COL4A4: variants seen among roughly 807,000 people sequenced by gnomAD.
COL4A4 encodes the protein collagen alpha-4(IV) chain.
In COL4A4, 105 loss-of-function variants were observed where a neutral mutation model predicts 192.9. That is an observed-to-expected ratio of 0.54 (90% CI 0.46 to 0.64). COL4A4 has a LOEUF of 0.64. Ranked by LOEUF, COL4A4 falls within the 30% of genes least tolerant of loss-of-function variation. The pLI, the probability that COL4A4 is intolerant of heterozygous loss-of-function variation, is 0.00. For missense variants in COL4A4, 1,967 were observed against 2,169.3 expected, an observed-to-expected ratio of 0.91 and a Z score of 1.85; for synonymous variants, 762 against 769.9, an observed-to-expected ratio of 0.99 and a Z score of 0.17.
At chr2:227,157,503 A>G (rs1431812895) in intron 1 of COL4A4, among the ~76,000 whole-genome samples, 1 of 152,038 alleles carries the variant, frequency 6.6e-6, no homozygotes, top group African/African-American at 2.4e-5. Context: ...GAAACCCAAC[A>G]TTAGTAGTTG....
intron 38 of COL4A4, 30 bp downstream of exon 38, chr2:227,033,380 C>A: frequency 6.4e-7 from 1 of 1,564,268 alleles, no homozygotes; most frequent in Non-Finnish European, 8.8e-7. Context: ...GACTGAAGCT[C>A]AGTCTGTTAC....
chr2:227,153,640 G>T (rs1206136248), intron 1 of COL4A4, among the ~76,000 whole-genome samples: 1 of 152,088 alleles, frequency 6.6e-6, no homozygotes, highest in Admixed American at 6.6e-5. Context: ...TTGAAATTAG[G>T]AAACCGAGAC....
intron 22 of COL4A4, among the ~76,000 whole-genome samples, chr2:227,088,043 C>A (rs1459148586): frequency 6.6e-6 from 1 of 152,186 alleles, no homozygotes; most frequent in Non-Finnish European, 1.5e-5. Flanking sequence ...CCTGCTGTAT[C>A]CCCAGCACCT....
At chr2:227,002,168 CAAAAAAAAA>C (rs55908824), downstream of COL4A4, among the ~76,000 whole-genome samples, 2 of 76,180 alleles carry the variant, frequency 2.6e-5, no homozygotes, top group East Asian at 4.2e-4. Flanking sequence ...GACCCTGTCT[CAAAAAAAAA>C]AAAAAAAAAA....
chr2:227,129,911 T>C (rs1287565579), intron 4 of COL4A4, among the ~76,000 whole-genome samples: 1 of 152,194 alleles, frequency 6.6e-6, no homozygotes, highest in African/African-American at 2.4e-5. Context: ...TCTTAATCCA[T>C]TATTATTATC....
At chr2:227,078,598 T>A (rs992867701) in intron 24 of COL4A4, among the ~76,000 whole-genome samples, 2 of 152,222 alleles carry the variant, frequency 1.3e-5, no homozygotes, top group African/African-American at 4.8e-5. Context: ...AAGCCTCAAA[T>A]ACTGGAAACA....
chr2:227,017,898 AC>A, intron 44 of COL4A4, among the ~76,000 whole-genome samples: 1 of 152,284 alleles, frequency 6.6e-6, no homozygotes, highest in South Asian at 2.1e-4. Context: ...TTATTTCATC[AC>A]CCAGGAATTA....
Position 227,045,803 on chromosome 2 carries a change from T to TATATATATATACAC in COL4A4, c.3289+1671_3289+1672insGTGTATATATATAT, listed in dbSNP as rs1559487195. ...AAATACATATATATATATATACACA[T>TATATATATATACAC]ATATATATATATACACATATATATA... is the stretch of plus-strand genomic sequence containing the variant. On this transcript the variant is annotated intron_variant, in intron 35 of 47. Transcript: ENST00000396625. 2.8e-4 allele frequency among the ~76,000 whole-genome samples: 12 copies of TATATATATATACAC among 42,204 alleles called. 2 individuals carry two copies. Among genetic ancestry groups the TATATATATATACAC allele is most frequent in the African/African-American group, 1.4e-3 (11 of 7,648 alleles). The allele number at this position is 42,204 out of a possible 152,430, so 27.7% of individuals were successfully genotyped here. A position where few individuals can be genotyped will look rare whatever the true frequency, so the allele number is the denominator to read the frequency against.
rs750345987 is a variant in COL4A4 at position 227,109,286 on chromosome 2, C to G, written c.595G>C (p.Gly199Arg). ...GCCGGTCCTCCTGCACCCCAAGATC[C>G]CTAAACATGAGAAAAATCAGTGCAT... Reference protein sequence around the residue: ...RGDPGLPGLPGSWGAGGPAGP... With the variant: ...RGDPGLPGLPRSWGAGGPAGP... The change falls in exon 10 of 48, where the codon GGA (glycine) becomes CGA (arginine). Residue 199 changes from glycine (G) to arginine (R), a missense_variant and splice_region_variant. By Grantham distance (125) the Gly-to-Arg change is moderately radical (BLOSUM62 -2). Transcript: ENST00000396625. 1 of 1,613,672 alleles carries G rather than the reference C, an allele frequency of 6.2e-7. No individual in the cohort carries two copies. The highest frequency in any genetic ancestry group is 8.5e-7 in the Non-Finnish European group (1 of 1,179,726).
rs1961751201 is a variant in COL4A4, at chr2:227,004,844, G to A, written c.*2481C>T. ...ATTAGGGCAATCTAGGCACGTTCCA[G>A]TCTACAAGGTTGGTGGGGAGGCAGG... On this transcript the variant is annotated 3_prime_UTR_variant, in exon 48 of 48. Coordinates refer to ENST00000396625, the MANE Select transcript of COL4A4 (RefSeq NM_000092.5). 4 of 152,356 alleles carry A rather than the reference G, an allele frequency of 2.6e-5. No homozygotes were observed. The South Asian group carries it at 8.3e-4, about 32-fold the overall frequency. 9.4% of individuals were successfully genotyped at this position (152,356 alleles called of 1,614,324 possible). A position where few individuals can be genotyped will look rare whatever the true frequency, so the allele number is the denominator to read the frequency against.
intron 25 of COL4A4, among the ~76,000 whole-genome samples, chr2:227,068,977 C>T (rs1449571138): frequency 2.0e-5 from 3 of 149,500 alleles, no homozygotes; most frequent in Non-Finnish European, 4.4e-5. Context: ...CCCATTGTCT[C>T]AGCCCAAAAT....
At chr2:227,035,873 T>C (rs894732318) in intron 37 of COL4A4, among the ~76,000 whole-genome samples, 2 of 152,132 alleles carry the variant, frequency 1.3e-5, no homozygotes, top group African/African-American at 4.8e-5. Context: ...CACATCCAGA[T>C]CCTAGGTTGT....
Position 227,006,403 on chromosome 2 carries a change from A to G in COL4A4, c.*922T>C, listed in dbSNP as rs1962110068. On this transcript the variant is annotated 3_prime_UTR_variant, in exon 48 of 48. Transcript: ENST00000396625. Reference sequence around the variant, plus strand: ...GTGAGCCCCATGTAGCGTCAGTCCCATTAGCACGCACGCACCTGTGACACG... The same window carrying G: ...GTGAGCCCCATGTAGCGTCAGTCCCGTTAGCACGCACGCACCTGTGACACG... 1 of 152,650 alleles carries G rather than the reference A, an allele frequency of 6.6e-6. No individual in the cohort carries two copies. The highest frequency in any genetic ancestry group is 2.4e-5 in the African/African-American group (1 of 41,454). The allele number at this position is 152,650 out of a possible 1,614,324, so 9.5% of individuals were successfully genotyped here. A position where few individuals can be genotyped will look rare whatever the true frequency, so the allele number is the denominator to read the frequency against.
rs750519151 is a variant in COL4A4, at chr2:227,121,015, T to C, written c.326A>G (p.Lys109Arg). ...ATCTCCACATAAGATGTGGCTTACC[T>C]TATCTCCTTTGTCCCCTGCTGCTCC... ...PPGAAGDKGD[K>R]GPTGVPGFPG... Residue 109 changes from lysine to arginine, a missense_variant and splice_region_variant, in exon 5 of 48, where the codon AAG (lysine) becomes AGG (arginine). Transcript: ENST00000396625. 3.1e-6 allele frequency: 5 copies of C among 1,614,060 alleles called. No individual in the cohort carries two copies. Among genetic ancestry groups the C allele is most frequent in the Admixed American group, 1.7e-5 (1 of 60,008 alleles).
At chr2:227,131,059 A>G (rs2062423907) in intron 4 of COL4A4, among the ~76,000 whole-genome samples, 1 of 152,056 alleles carries the variant, frequency 6.6e-6, no homozygotes, top group East Asian at 1.9e-4. Flanking sequence ...GCACCAGATC[A>G]TCTTATAACA....
rs1362780447 is a variant in COL4A4 at position 227,008,442 on chromosome 2, A to T, written c.4523-138T>A. 3.0e-6 allele frequency: 3 copies of T among 997,112 alleles called. 1 individual carries two copies. The highest frequency in any genetic ancestry group is 4.6e-6 in the Non-Finnish European group (3 of 651,066). The allele number at this position is 997,112 out of a possible 1,614,324, so 61.8% of individuals were successfully genotyped here. Reference sequence around the variant, plus strand: ...CTCGCCAAAGCCTGCTTCTGTGGTGAGGAAGCCATTTCTGACACCTCCCTG... The same window carrying T: ...CTCGCCAAAGCCTGCTTCTGTGGTGTGGAAGCCATTTCTGACACCTCCCTG... On this transcript the variant is annotated intron_variant, in intron 46 of 47. Transcript: ENST00000396625.
chr2:227,137,757 C>T (rs776017528), intron 4 of COL4A4, among the ~76,000 whole-genome samples: 23 of 152,090 alleles, frequency 1.5e-4, no homozygotes, highest in South Asian at 2.1e-4. Flanking sequence ...GTTTTGGGGT[C>T]GGCTCATCTC....
intron 44 of COL4A4, among the ~76,000 whole-genome samples, chr2:227,014,496 ATTTAG>A (rs1288986268): frequency 2.6e-5 from 4 of 152,208 alleles, no homozygotes; most frequent in Admixed American, 6.5e-5. Flanking sequence ...TACTCAGGGA[ATTTAG>A]TTTAAAGAAA....
At chr2:227,040,617 G>A (rs1260514969) in intron 37 of COL4A4, among the ~76,000 whole-genome samples, 1 of 149,670 alleles carries the variant, frequency 6.7e-6, no homozygotes, top group African/African-American at 2.5e-5. Context: ...CTAGGCTGGA[G>A]CGCAGTGGCA....
Sources: gnomAD v4.1 joint callset for allele counts (sites outside exome capture counted in the v4.1 genomes callset) on GRCh38, gnomAD v4.1.1 for gene constraint, MANE v1.5 for transcripts, NCBI Gene and HGNC (gene_info 2026-07-23, HGNC 2026-07-21) for gene names.